Variants in PPIL4 observed in about 807,000 individuals in gnomAD.
The protein encoded by PPIL4 is peptidyl-prolyl cis-trans isomerase-like 4.
In PPIL4, 50 loss-of-function variants were observed where a neutral mutation model predicts 69.1. That is an observed-to-expected ratio of 0.72 (90% CI 0.58 to 0.92). The LOEUF (loss-of-function observed/expected upper bound fraction) is 0.92, where lower values mean the gene tolerates loss of function less well. Ranked by LOEUF, PPIL4 falls within the 40% of genes least tolerant of loss-of-function variation. PPIL4 has a pLI of 0.00. For missense variants in PPIL4, 480 were observed against 587.9 expected, an observed-to-expected ratio of 0.82 and a Z score of 1.90; for synonymous variants, 193 against 191.6, an observed-to-expected ratio of 1.01 and a Z score of -0.06.
At chr6:149,536,018 C>T (rs1777270108) in intron 4 of PPIL4, among the ~76,000 whole-genome samples, 1 of 152,226 alleles carries the variant, frequency 6.6e-6, no homozygotes, top group South Asian at 2.1e-4. Context: ...AGCATAGGCT[C>T]ACTTCATGTT....
intron 7 of PPIL4, among the ~76,000 whole-genome samples, chr6:149,530,265 T>A (rs539935520): frequency 6.6e-6 from 1 of 152,136 alleles, no homozygotes; most frequent in East Asian, 1.9e-4. Flanking sequence ...ATGTTCAGTT[T>A]TTCTGTAATT....
At chr6:149,530,398 C>A (rs150710397) in intron 7 of PPIL4, among the ~76,000 whole-genome samples, 5 of 149,576 alleles carry the variant, frequency 3.3e-5, no homozygotes, top group African/African-American at 1.2e-4. Context: ...CAGTGGCTCA[C>A]ACCTGTAATC....
chr6:149,531,363 C>CAAAA (rs34176914), intron 7 of PPIL4, among the ~76,000 whole-genome samples: 3 of 65,862 alleles, frequency 4.6e-5, no homozygotes, highest in African/African-American at 1.2e-4. Context: ...GATTCTGTCT[C>CAAAA]AAAAAAAAAA....
At chr6:149,509,487 A>T (rs1472501613) in intron 12 of PPIL4, among the ~76,000 whole-genome samples, 1 of 152,246 alleles carries the variant, frequency 6.6e-6, no homozygotes, top group Non-Finnish European at 1.5e-5. Context: ...AGGGGGAAAG[A>T]ATTCAGAGTT....
chr6:149,537,956 A>G (rs1057256664), intron 4 of PPIL4, among the ~76,000 whole-genome samples: 14 of 152,072 alleles, frequency 9.2e-5, no homozygotes, highest in African/African-American at 3.4e-4. Context: ...TATGATGTAC[A>G]AGGAAATTAA....
intron 11 of PPIL4, among the ~76,000 whole-genome samples, chr6:149,514,525 T>G (rs1485864291): frequency 1.3e-5 from 2 of 152,196 alleles, no homozygotes; most frequent in Admixed American, 1.3e-4. Context: ...TTTCGCCACG[T>G]TGGCCAGGCT....
At chr6:149,514,505 C>T (rs910832035) in intron 11 of PPIL4, among the ~76,000 whole-genome samples, 2 of 152,054 alleles carry the variant, frequency 1.3e-5, no homozygotes, top group Admixed American at 6.6e-5. Context: ...TATTTTTAGT[C>T]GAGACAGGGT....
intron 4 of PPIL4, among the ~76,000 whole-genome samples, chr6:149,538,284 T>G (rs1408651122): frequency 6.6e-6 from 1 of 151,946 alleles, no homozygotes; most frequent in Non-Finnish European, 1.5e-5. Flanking sequence ...AAAATACTGT[T>G]TTCATGCCTG....
intron 11 of PPIL4, among the ~76,000 whole-genome samples, chr6:149,514,912 C>T (rs575902969): frequency 6.6e-5 from 10 of 151,750 alleles, no homozygotes; most frequent in Admixed American, 5.3e-4. Context: ...TCTTGGCTCA[C>T]CACAACCTCT....
chr6:149,539,577 A>C (rs1777328584), intron 4 of PPIL4, among the ~76,000 whole-genome samples: 1 of 152,006 alleles, frequency 6.6e-6, no homozygotes, highest in South Asian at 2.1e-4. Flanking sequence ...TGGGGTTTTC[A>C]CCATGTTTCC....
At chr6:149,523,903 A>C (rs1396868178) in intron 9 of PPIL4, among the ~76,000 whole-genome samples, 3 of 152,200 alleles carry the variant, frequency 2.0e-5, no homozygotes, top group Non-Finnish European at 4.4e-5. Flanking sequence ...GCACCAATGT[A>C]CCTTGTAAGT....
intron 9 of PPIL4, among the ~76,000 whole-genome samples, chr6:149,522,467 C>T (rs1777042877): frequency 6.6e-6 from 1 of 152,062 alleles, no homozygotes; most frequent in African/African-American, 2.4e-5. Context: ...TAGATCAGTG[C>T]AACAGTATAG....
chr6:149,510,909 C>T (rs1776832607), intron 12 of PPIL4, among the ~76,000 whole-genome samples: 1 of 151,746 alleles, frequency 6.6e-6, no homozygotes, highest in African/African-American at 2.4e-5. Flanking sequence ...TTTGCACACG[C>T]ATTTTTTTCA....
intron 4 of PPIL4, among the ~76,000 whole-genome samples, chr6:149,537,506 G>A (rs975311463): frequency 6.6e-6 from 1 of 151,888 alleles, no homozygotes; most frequent in Non-Finnish European, 1.5e-5. Context: ...AGGAGATCAA[G>A]ACCATCCTGG....
At chr6:149,531,964 G>A (rs920299159) in intron 7 of PPIL4, among the ~76,000 whole-genome samples, 4 of 152,124 alleles carry the variant, frequency 2.6e-5, no homozygotes, top group Admixed American at 2.6e-4. Context: ...CACTGTGCCC[G>A]GCCCTATAAA....
chr6:149,521,229 A>G, intron 9 of PPIL4, 58 bp from the exon 10 acceptor site: 1 of 997,802 alleles, frequency 1.0e-6, no homozygotes, highest in Admixed American at 2.2e-5. Flanking sequence ...TTCTGTAGCT[A>G]GAATACTGAA....
chr6:149,531,256 T>C (rs1247395845), intron 7 of PPIL4, among the ~76,000 whole-genome samples: 1 of 150,782 alleles, frequency 6.6e-6, no homozygotes, highest in African/African-American at 2.4e-5. Context: ...TCCCAGCTAC[T>C]CGGGAGCCTG....
At chr6:149,532,339 C>G (rs1470837610) in intron 7 of PPIL4, among the ~76,000 whole-genome samples, 2 of 152,064 alleles carry the variant, frequency 1.3e-5, no homozygotes, top group African/African-American at 4.8e-5. Context: ...CATAAACTTC[C>G]AAAGTGTTGC....
intron 7 of PPIL4, 62 bp from the exon 8 acceptor site, chr6:149,526,838 T>C: frequency 6.7e-7 from 1 of 1,487,118 alleles, no homozygotes; most frequent in South Asian, 1.2e-5. Flanking sequence ...CTAAATCCTA[T>C]CCAATCCCAC....
Sources: gnomAD v4.1 joint callset for allele counts (sites outside exome capture counted in the v4.1 genomes callset) on GRCh38, gnomAD v4.1.1 for gene constraint, MANE v1.5 for transcripts, NCBI Gene and HGNC (gene_info 2026-07-23, HGNC 2026-07-21) for gene names.